The following PRIMA1 variants were observed in gnomAD, a reference collection of about 807,000 sequenced individuals.
PRIMA1 encodes the protein proline-rich membrane anchor 1.
PRIMA1 carries 7 observed loss-of-function variants against 17.5 expected under a neutral mutation model. The ratio of observed to expected loss-of-function variants is 0.40; its 90% CI spans 0.23 to 0.75. The LOEUF (loss-of-function observed/expected upper bound fraction) is 0.75. PRIMA1 is among the 30% of genes least tolerant of loss of function. The pLI is 0.37. For synonymous variants in PRIMA1, 97 were observed against 77.9 expected, an observed-to-expected ratio of 1.25 and a Z score of -1.29; for missense variants, 200 against 201.8, an observed-to-expected ratio of 0.99 and a Z score of 0.05.
intron 4 of PRIMA1, among the ~76,000 whole-genome samples, chr14:93,733,866 A>C (rs1033597530): frequency 1.3e-5 from 2 of 152,166 alleles, no homozygotes; most frequent in African/African-American, 4.8e-5. Flanking sequence ...TGAGGATGCT[A>C]TCTCTTACAG....
intron 4 of PRIMA1, among the ~76,000 whole-genome samples, chr14:93,735,993 CT>C (rs1360961566): frequency 6.6e-6 from 1 of 152,196 alleles, no homozygotes; most frequent in African/African-American, 2.4e-5. Context: ...CTGGCCCCAC[CT>C]TGGTTTTCAA....
chr14:93,726,850 C>T lies in PRIMA1; in HGVS notation c.360-5304G>A, dbSNP rs2076080482. Among the ~76,000 whole-genome samples, 1 of 152,174 alleles carries T rather than the reference C, an allele frequency of 6.6e-6. No homozygotes were observed. The highest frequency in any genetic ancestry group is 1.5e-5 in the Non-Finnish European group (1 of 68,022). Reference sequence around the variant, plus strand: ...ACACATACACACATGTCCCTACACACATATGCACACATACACATATGTGCA... The same window carrying T: ...ACACATACACACATGTCCCTACACATATATGCACACATACACATATGTGCA... On this transcript the variant is annotated intron_variant, in intron 4 of 4. Transcript: ENST00000393140. The surrounding 1 kb of genome is among the most constrained non-coding windows in gnomAD (Gnocchi z 4.2).
intron 3 of PRIMA1, among the ~76,000 whole-genome samples, chr14:93,752,988 C>T (rs1362932019): frequency 2.6e-5 from 4 of 152,162 alleles, no homozygotes; most frequent in Non-Finnish European, 5.9e-5. Flanking sequence ...TGGCCTCTAC[C>T]CACTACATGC....
intron 3 of PRIMA1, among the ~76,000 whole-genome samples, chr14:93,754,250 A>C (rs2076277611): frequency 6.6e-6 from 1 of 152,158 alleles, no homozygotes; most frequent in African/African-American, 2.4e-5. Flanking sequence ...AGCTCAACGA[A>C]GAGCTTGTGG....
intron 3 of PRIMA1, among the ~76,000 whole-genome samples, chr14:93,769,878 G>T (rs1217030346): frequency 6.6e-6 from 1 of 152,150 alleles, no homozygotes; most frequent in Non-Finnish European, 1.5e-5. Context: ...ACTGATGGTG[G>T]AGGTGGGGAA....
intron 3 of PRIMA1, among the ~76,000 whole-genome samples, chr14:93,771,961 G>A (rs768388081): frequency 3.9e-5 from 6 of 152,182 alleles, no homozygotes; most frequent in African/African-American, 9.7e-5. Flanking sequence ...TCTCCAGCTG[G>A]GCAGCCTAGA....
At chr14:93,770,717 C>A (rs143111953) in intron 3 of PRIMA1, among the ~76,000 whole-genome samples, 7 of 152,286 alleles carry the variant, frequency 4.6e-5, no homozygotes, top group Admixed American at 3.3e-4. Flanking sequence ...CCATCCCATG[C>A]CCCCTCCCGC....
chr14:93,779,990 C>T (rs1885333343), intron 2 of PRIMA1, among the ~76,000 whole-genome samples: 1 of 152,254 alleles, frequency 6.6e-6, no homozygotes, highest in South Asian at 2.1e-4. Flanking sequence ...TGCCACCCCA[C>T]CCCTCGTGGG....
chr14:93,779,302 C>T lies in PRIMA1; in HGVS notation c.103G>A (p.Gly35Ser), dbSNP rs774944148. The T allele has an allele frequency of 2.6e-6, 4 of 1,554,460 alleles. No homozygotes were observed. Among genetic ancestry groups the T allele is most frequent in the African/African-American group, 1.4e-5 (1 of 70,822 alleles). The change falls in exon 3 of 5, where the codon GGT becomes AGT. Residue 35 changes from glycine to serine, a missense_variant. By Grantham distance (56) the Gly-to-Ser change is moderately conservative. Coordinates refer to ENST00000393140, the MANE Select transcript of PRIMA1 (RefSeq NM_178013.4). ...PLWGFVQVTHGEPQKSCSKVT... is the reference protein window; with the variant it reads ...PLWGFVQVTHSEPQKSCSKVT... ...TTGGAGCAGGACTTCTGGGGCTCAC[C>T]ATGCGTCACCTGTACACATGGGCAC...
At chr14:93,779,092 C>A in intron 3 of PRIMA1, 84 bp downstream of exon 3, 1 of 1,001,696 alleles carries the variant, frequency 1.0e-6, no homozygotes, top group Non-Finnish European at 1.4e-6. Flanking sequence ...GGAGGCAGGG[C>A]TGCCCTCGGC....
intron 2 of PRIMA1, 50 bp downstream of exon 2, chr14:93,787,576 C>T (rs1167192150): frequency 1.3e-6 from 2 of 1,536,576 alleles, no homozygotes; most frequent in East Asian, 2.4e-5. Context: ...GGACAGCTCG[C>T]CCCTTACCCA....
intron 3 of PRIMA1, among the ~76,000 whole-genome samples, chr14:93,764,981 C>T (rs1884845122): frequency 6.6e-6 from 1 of 152,264 alleles, no homozygotes; most frequent in Non-Finnish European, 1.5e-5. Context: ...TGCACCATTT[C>T]CCAGAGCTCC....
chr14:93,759,250 C>T (rs566327862), intron 3 of PRIMA1, among the ~76,000 whole-genome samples: 2 of 152,264 alleles, frequency 1.3e-5, no homozygotes, highest in African/African-American at 4.8e-5. Flanking sequence ...TTGTGTGAAA[C>T]TGTCCCTGCA....
chr14:93,788,088 T>C (rs1419751646), intron 1 of PRIMA1, among the ~76,000 whole-genome samples: 3 of 152,018 alleles, frequency 2.0e-5, no homozygotes, highest in Admixed American at 6.5e-5. Flanking sequence ...CAACTCACTC[T>C]CACTGTGAGC....
Position 93,779,320 on chromosome 14 carries a change from A to G in PRIMA1, c.94-9T>C. ...GGCTCACCATGCGTCACCTGTACACATGGGCACACGTACCCAAGAGAGAGA... is the reference window on the plus strand; with the variant it reads ...GGCTCACCATGCGTCACCTGTACACGTGGGCACACGTACCCAAGAGAGAGA... On this transcript the variant is annotated splice_polypyrimidine_tract_variant and intron_variant, in intron 2 of 4. Transcript: ENST00000393140. The G allele has an allele frequency of 1.9e-6, 3 of 1,545,132 alleles. No individual in the cohort carries two copies. The highest frequency in any genetic ancestry group is 2.6e-6 in the Non-Finnish European group (3 of 1,152,346).
chr14:93,767,828 G>A (rs1436302094), intron 3 of PRIMA1, among the ~76,000 whole-genome samples: 3 of 152,304 alleles, frequency 2.0e-5, no homozygotes, highest in African/African-American at 7.2e-5. Flanking sequence ...AGAAAACTGA[G>A]GCTTGGACTG....
In PRIMA1 at chr14:93,737,229, G is replaced by C. The variant is rs774124660; in HGVS notation, c.359+12C>G. The stretch of plus-strand genomic sequence containing the variant: ...TTCGGCTTGAAGCTGGGTGCAGTGA[G>C]TGAGCACTCACCTTTTTATGGCTTT... On this transcript the variant is annotated intron_variant, in intron 4 of 4. Transcript: ENST00000393140. The C allele has an allele frequency of 1.9e-6, 3 of 1,614,028 alleles. No homozygotes were observed. In the Admixed American group the frequency reaches 5.0e-5, roughly 27 times the overall value.
At chr14:93,785,216 T>TGGAAGTGAACTTAGAA (rs1305546320) in intron 2 of PRIMA1, among the ~76,000 whole-genome samples, 1 of 143,878 alleles carries the variant, frequency 7.0e-6, no homozygotes, top group African/African-American at 2.5e-5. Context: ...AAGAATCATC[T>TGGAAGTGAACTTAGAA]GGAAGTGAAC....
chr14:93,734,891 T>G (rs1260448797), intron 4 of PRIMA1, among the ~76,000 whole-genome samples: 1 of 152,106 alleles, frequency 6.6e-6, no homozygotes, highest in African/African-American at 2.4e-5. Context: ...AGGAGGCCCC[T>G]CTATAGCTGC....
Sources: allele counts gnomAD v4.1 joint callset (sites outside exome capture counted in the v4.1 genomes callset), GRCh38; gene constraint gnomAD v4.1.1; non-coding constraint Gnocchi (gnomAD v3.1); transcripts MANE v1.5; gene names NCBI Gene and HGNC (gene_info 2026-07-23, HGNC 2026-07-21).